VAV2: variants seen among roughly 807,000 people sequenced by gnomAD.
VAV2 encodes guanine nucleotide exchange factor VAV2.
A neutral mutation model predicts 132.5 loss-of-function variants in VAV2; 67 were observed. That is an observed-to-expected ratio of 0.51 (90% CI 0.42 to 0.62). The LOEUF is 0.62. Among genes scored for constraint, VAV2 ranks in the 20% least tolerant of loss-of-function variants. The pLI, the probability that VAV2 is intolerant of heterozygous loss-of-function variation, is 0.00. For synonymous variants in VAV2, 492 were observed against 443.5 expected (o/e 1.11, Z -1.37); for missense variants, 938 against 1,153.6 (o/e 0.81, Z 2.71).
intron 6 of VAV2, 148 bp downstream of exon 6, chr9:133,810,043 G>T: frequency 8.5e-7 from 1 of 1,172,674 alleles, no homozygotes; most frequent in Non-Finnish European, 1.2e-6. Flanking sequence ...GGTGCCGAGG[G>T]TCTCTGATGC....
At chr9:133,784,055 A>AT (rs1244808263) in intron 18 of VAV2, among the ~76,000 whole-genome samples, 2 of 152,012 alleles carry the variant, frequency 1.3e-5, no homozygotes, top group Non-Finnish European at 2.9e-5. Flanking sequence ...TGACTTTGGT[A>AT]TTTTTTGTAC....
chr9:133,938,845 C>A (rs1014163821), intron 2 of VAV2, among the ~76,000 whole-genome samples: 5 of 152,206 alleles, frequency 3.3e-5, no homozygotes, highest in Non-Finnish European at 7.3e-5. Context: ...CGCCTGAATT[C>A]GTCACGCCTG....
intron 19 of VAV2, among the ~76,000 whole-genome samples, chr9:133,782,110 GC>G (rs572233989): frequency 3.6e-5 from 5 of 138,626 alleles, no homozygotes; most frequent in Non-Finnish European, 6.5e-5. Context: ...CGGGGGCGGG[GC>G]GGGGGAGGAA....
chr9:133,977,001 G>A (rs1451111462), intron 1 of VAV2, among the ~76,000 whole-genome samples: 1 of 152,194 alleles, frequency 6.6e-6, no homozygotes, highest in Non-Finnish European at 1.5e-5. Flanking sequence ...TGAAGGGGGT[G>A]CCTCTCCTAC....
intron 2 of VAV2, among the ~76,000 whole-genome samples, chr9:133,904,187 A>T (rs1839553337): frequency 6.6e-6 from 1 of 152,180 alleles, no homozygotes; most frequent in Non-Finnish European, 1.5e-5. Flanking sequence ...CCCAAGCGCC[A>T]GGCTCTCCCC....
rs945442626 is a variant in VAV2, at chr9:133,788,756, G to A, written c.1275-270C>T. On this transcript the variant is annotated intron_variant, in intron 14 of 29. Transcript: ENST00000371850. This position sits in a 1 kb window ranked among gnomAD's most constrained non-coding sequence, Gnocchi z 5.3. ...AGGGGCTCCTGCATCCCCCACGCTG[G>A]CCTCCCATGCAGCACTGACCCCCGA... 1.3e-5 allele frequency among the ~76,000 whole-genome samples: 2 copies of A among 152,082 alleles called. No homozygotes were observed. Among genetic ancestry groups the A allele is most frequent in the African/African-American group, 4.8e-5 (2 of 41,414 alleles).
At chr9:133,978,102 C>A (rs1039779533) in intron 1 of VAV2, among the ~76,000 whole-genome samples, 1 of 152,214 alleles carries the variant, frequency 6.6e-6, no homozygotes, top group East Asian at 1.9e-4. Context: ...AGACCAGGAG[C>A]GGGGAGGCAC....
At chr9:133,859,613 T>C (rs1837517139) in intron 3 of VAV2, among the ~76,000 whole-genome samples, 1 of 151,090 alleles carries the variant, frequency 6.6e-6, no homozygotes, top group South Asian at 2.1e-4. Context: ...CTTTCCTGCC[T>C]AATATGTAAA....
Position 133,881,012 on chromosome 9 carries a change from AC to A in VAV2, c.322-19581del, listed in dbSNP as rs558480176. Among the ~76,000 whole-genome samples, 41 of 151,938 alleles carry A rather than the reference AC, an allele frequency of 2.7e-4. No individual in the cohort carries two copies. In the South Asian group the frequency reaches 7.9e-3, roughly 29 times the overall value. On this transcript the variant is annotated intron_variant, in intron 2 of 29. Transcript: ENST00000371850. Reference sequence around the variant, plus strand: ...GTCAGGTGCTCCCGGGGGCAGCAACACCCCCCTCCATACAGGGGCAGGTTCA... The same window carrying A: ...GTCAGGTGCTCCCGGGGGCAGCAACACCCCCTCCATACAGGGGCAGGTTCA...
chr9:133,895,934 T>TGGGAGCGCCAGGCATGCGGATCAC (rs1195317034), intron 2 of VAV2, among the ~76,000 whole-genome samples: 3 of 134,764 alleles, frequency 2.2e-5, no homozygotes, highest in African/African-American at 8.7e-5. Context: ...AAATCTTTTT[T>TGGGAGCGCCAGGCATGCGGATCAC]TTTTTTTTTT....
intron 2 of VAV2, among the ~76,000 whole-genome samples, chr9:133,932,836 G>A (rs372646554): frequency 6.6e-6 from 1 of 152,210 alleles, no homozygotes; most frequent in Non-Finnish European, 1.5e-5. Context: ...TCCAAAACCT[G>A]GAGGGTTTCC....
chr9:133,871,324 T>C (rs1272534990), intron 2 of VAV2, among the ~76,000 whole-genome samples: 1 of 135,006 alleles, frequency 7.4e-6, no homozygotes, highest in Non-Finnish European at 1.6e-5. Flanking sequence ...GAATTGGGGG[T>C]GGATGGATGA....
chr9:133,855,658 G>T (rs1289456048), intron 3 of VAV2, among the ~76,000 whole-genome samples: 1 of 152,230 alleles, frequency 6.6e-6, no homozygotes, highest in Admixed American at 6.5e-5. Context: ...CCCGCACATG[G>T]GAAGACCAAA....
intron 2 of VAV2, among the ~76,000 whole-genome samples, chr9:133,927,076 C>T (rs1040790674): frequency 1.2e-4 from 18 of 150,828 alleles, no homozygotes; most frequent in Admixed American, 1.1e-3. Flanking sequence ...GAGTCCCCCC[C>T]TACACATGCT....
intron 2 of VAV2, among the ~76,000 whole-genome samples, chr9:133,868,005 G>A (rs1837874133): frequency 6.6e-6 from 1 of 152,230 alleles, no homozygotes; most frequent in Non-Finnish European, 1.5e-5. Flanking sequence ...TCCACCCAAG[G>A]CCCCAAGTGC....
chr9:133,784,937 G>A lies in VAV2; in HGVS notation c.1533-519C>T, dbSNP rs150374879. 7.6e-3 allele frequency among the ~76,000 whole-genome samples: 1,154 copies of A among 152,236 alleles called. 26 individuals are homozygous for A. The highest frequency in any genetic ancestry group is 0.043 in the Admixed American group (654 of 15,296). On this transcript the variant is annotated intron_variant, in intron 17 of 29. Coordinates refer to ENST00000371850, the MANE Select transcript of VAV2 (RefSeq NM_001134398.2). ...TGAGAAGACGGCTATTCACCATCAC[G>A]TCGCTTCAGCTTCCATGAACGCTTG...
Position 133,954,530 on chromosome 9 carries a change from G to A in VAV2, c.205-15311C>T, listed in dbSNP as rs548222072. On this transcript the variant is annotated intron_variant, in intron 1 of 29. Coordinates refer to ENST00000371850, the MANE Select transcript of VAV2 (RefSeq NM_001134398.2). ...AATCCACGCACGCCTGAAGGCTTCC[G>A]GAGAAGGCATCGCAGGTCCAGCCAT... 6.6e-5 allele frequency among the ~76,000 whole-genome samples: 10 copies of A among 152,394 alleles called. No homozygotes were observed. In the South Asian group the frequency reaches 8.3e-4, roughly 13 times the overall value.
chr9:133,908,191 C>T (rs1200155764), intron 2 of VAV2, among the ~76,000 whole-genome samples: 1 of 151,926 alleles, frequency 6.6e-6, no homozygotes, highest in Non-Finnish European at 1.5e-5. Context: ...GTAGCCCTCC[C>T]CTTTGAAGTG....
intron 3 of VAV2, among the ~76,000 whole-genome samples, chr9:133,844,635 G>A (rs1373791586): frequency 6.6e-6 from 1 of 152,180 alleles, no homozygotes; most frequent in East Asian, 1.9e-4. Flanking sequence ...CACAGGACAG[G>A]GATCAGGATG....
Sources: allele counts gnomAD v4.1 joint callset (sites outside exome capture counted in the v4.1 genomes callset), GRCh38; gene constraint gnomAD v4.1.1; non-coding constraint Gnocchi (gnomAD v3.1); transcripts MANE v1.5; gene names NCBI Gene and HGNC (gene_info 2026-07-23, HGNC 2026-07-21).